The following ANAPC5 variants were observed in gnomAD, a reference collection of about 807,000 sequenced individuals.
ANAPC5 encodes anaphase promoting complex subunit 5, also known as anaphase-promoting complex subunit 5.
A neutral mutation model predicts 91.3 loss-of-function variants in ANAPC5; 60 were observed. The observed-to-expected ratio is 0.66, with a 90% confidence interval of 0.53 to 0.81. The LOEUF is 0.81. Ranked by LOEUF, ANAPC5 falls within the 40% of genes least tolerant of loss-of-function variation. ANAPC5 has a pLI of 0.00. For missense variants in ANAPC5, 690 were observed against 931.5 expected (o/e 0.74, Z 3.37); for synonymous variants, 340 against 364.1 (o/e 0.93, Z 0.75).
chr12:121,325,441 TGACA>T (rs377476189), intron 11 of ANAPC5, among the ~76,000 whole-genome samples: 2,161 of 148,270 alleles, frequency 0.015, 50 homozygotes, highest in African/African-American at 0.052. Flanking sequence ...CCAGCCTGGG[TGACA>T]GAGTGAGACT....
Position 121,352,382 on chromosome 12 carries a change from C to T in ANAPC5, c.-42G>A. ...GTCTCGGGCCCGCGGCGCGCTGCCGCCAGTTGTCACCACAAGGCACAACAC... is the reference window on the plus strand; with the variant it reads ...GTCTCGGGCCCGCGGCGCGCTGCCGTCAGTTGTCACCACAAGGCACAACAC... On this transcript the variant is annotated 5_prime_UTR_variant, in exon 1 of 17. Coordinates refer to ENST00000261819, the MANE Select transcript of ANAPC5 (RefSeq NM_016237.5). 1 of 1,513,474 alleles carries T rather than the reference C, an allele frequency of 6.6e-7. No homozygotes were observed. The highest frequency in any genetic ancestry group is 9.0e-7 in the Non-Finnish European group (1 of 1,105,328). The allele number at this position is 1,513,474 out of a possible 1,614,324, so 93.8% of individuals were successfully genotyped here.
chr12:121,347,778 T>C (rs782335317), intron 2 of ANAPC5, 24 bp downstream of exon 2: 9 of 1,561,892 alleles, frequency 5.8e-6, no homozygotes, highest in South Asian at 1.1e-5. Flanking sequence ...CCTTTTCATA[T>C]ATAAAGAAGA....
rs146935401 is a variant in ANAPC5, at chr12:121,308,654, C to G, written c.2094G>C (p.Lys698Asn). ...EAAIENLNEA[K>N]NYFAKVDCKE... is the part of the protein sequence containing the mutation. ...TGCAGTCAACCTTTGCAAAATAGTT[C>G]TTGGCTTCATTGAGGTTCTCGATGG... The change falls in exon 17 of 17, where the codon AAG becomes AAC. Residue 698 changes from lysine to asparagine, a missense_variant. Lys to Asn is a moderately conservative substitution (Grantham distance 94). This residue lies in a region of ANAPC5 where 317 missense variants were observed against 438.7 expected (regional missense o/e 0.72). Coordinates refer to ENST00000261819, the MANE Select transcript of ANAPC5 (RefSeq NM_016237.5). 125 of 1,614,120 alleles carry G rather than the reference C, an allele frequency of 7.7e-5. No homozygotes were observed. Among genetic ancestry groups the G allele is most frequent in the Non-Finnish European group, 9.7e-5 (114 of 1,180,030 alleles).
At chr12:121,350,488 C>T (rs2695143) in intron 1 of ANAPC5, among the ~76,000 whole-genome samples, 109,102 of 151,834 alleles carry the variant, frequency 0.72, 43,884 homozygotes, top group Non-Finnish European at 0.9. Context: ...GAGACCATCC[C>T]GGCTAACACG....
intron 11 of ANAPC5, among the ~76,000 whole-genome samples, chr12:121,321,689 C>T (rs1216156956): frequency 6.6e-6 from 1 of 151,806 alleles, no homozygotes; most frequent in Non-Finnish European, 1.5e-5. Context: ...AGGTGCGCGC[C>T]ACCATGCTCA....
chr12:121,311,146 G>C (rs1410593658), intron 15 of ANAPC5, among the ~76,000 whole-genome samples: 1 of 152,094 alleles, frequency 6.6e-6, no homozygotes, highest in East Asian at 1.9e-4. Flanking sequence ...TGTAGTCCTA[G>C]CTACTTGGGA....
At chr12:121,352,630 C>T (rs1014466860), upstream of ANAPC5, among the ~76,000 whole-genome samples, 1 of 139,112 alleles carries the variant, frequency 7.2e-6, no homozygotes, top group African/African-American at 2.5e-5. Flanking sequence ...GGACAGGGAC[C>T]GGATGGGAGG....
At chr12:121,340,537 A>ATT (rs200074790) in intron 5 of ANAPC5, among the ~76,000 whole-genome samples, 18 of 141,238 alleles carry the variant, frequency 1.3e-4, no homozygotes, top group African/African-American at 1.6e-4. Flanking sequence ...AATTCCGTAA[A>ATT]TTTTTTTTTT....
intron 15 of ANAPC5, among the ~76,000 whole-genome samples, chr12:121,316,295 A>C (rs1902357052): frequency 6.6e-6 from 1 of 152,160 alleles, no homozygotes; most frequent in South Asian, 2.1e-4. Flanking sequence ...GGAAAATAAC[A>C]AGGGTGGGCA....
chr12:121,328,511 T>C lies in ANAPC5; in HGVS notation c.1123-14A>G. 6.2e-7 allele frequency: 1 copy of C among 1,612,280 alleles called. No homozygotes were observed. The highest frequency in any genetic ancestry group is 8.5e-7 in the Non-Finnish European group (1 of 1,178,786). ...GGAGGCGAGGTACTAAGGGGACAGA[T>C]ATACCCACGACCCAAGATAGAGATT... is the stretch of plus-strand genomic sequence containing the variant. On this transcript the variant is annotated splice_polypyrimidine_tract_variant and intron_variant, in intron 9 of 16. Transcript: ENST00000261819.
At chr12:121,345,781 G>A in intron 4 of ANAPC5, 58 bp downstream of exon 4, 2 of 1,504,216 alleles carry the variant, frequency 1.3e-6, no homozygotes, top group Non-Finnish European at 1.8e-6. Context: ...AGGACTTATT[G>A]CACTTGAAAT....
Position 121,352,148 on chromosome 12 carries a change from G to A in ANAPC5, c.193C>T (p.Leu65=), listed in dbSNP as rs1555275451. The change falls in exon 1 of 17, where the codon CTG becomes TTG. Residue 65 remains leucine, a synonymous_variant. Coordinates refer to ENST00000261819, the MANE Select transcript of ANAPC5 (RefSeq NM_016237.5). ...GCGCCTCTCACCTGCAGCAGGGGCAGGAGCAGCTGGTTGAGCCTCCGCCGC... is the reference window on the plus strand; with the variant it reads ...GCGCCTCTCACCTGCAGCAGGGGCAAGAGCAGCTGGTTGAGCCTCCGCCGC... ...MERRRLNQLL[L]PLLQGPDITL... is the part of the protein sequence containing the mutation. 4.3e-6 allele frequency: 7 copies of A among 1,609,456 alleles called. No individual in the cohort carries two copies. The highest frequency in any genetic ancestry group is 5.9e-6 in the Non-Finnish European group (7 of 1,176,646).
At chr12:121,349,379 A>C (rs1903798060) in intron 1 of ANAPC5, among the ~76,000 whole-genome samples, 1 of 151,968 alleles carries the variant, frequency 6.6e-6, no homozygotes, top group African/African-American at 2.4e-5. Flanking sequence ...TGAGCAACAT[A>C]GGGAGACTAC....
At chr12:121,350,726 T>C (rs901955854) in intron 1 of ANAPC5, among the ~76,000 whole-genome samples, 1 of 151,016 alleles carries the variant, frequency 6.6e-6, no homozygotes, top group East Asian at 1.9e-4. Context: ...CATCCACCTC[T>C]ATCGCATTTC....
intron 2 of ANAPC5, 131 bp from the exon 3 acceptor site, chr12:121,347,136 TAAAAC>T: frequency 7.5e-6 from 4 of 533,760 alleles, no homozygotes; most frequent in Non-Finnish European, 1.3e-5. Context: ...TGGTGGCTCA[TAAAAC>T]AAACTTCATA....
chr12:121,318,107 G>C (rs769875337), intron 15 of ANAPC5, 170 bp downstream of exon 15: 26 of 709,674 alleles, frequency 3.7e-5, no homozygotes, highest in Non-Finnish European at 4.6e-5. Context: ...TTGTCACCAG[G>C]TTCACACCTC....
chr12:121,319,705 A>G lies in ANAPC5; in HGVS notation c.1629T>C (p.Gly543=), dbSNP rs760768723. ...TTTTCAAGGTTTCTTACCTATAAAC[A>G]CCCTCTATGCTATTGAGAGCTGTGA... is the stretch of plus-strand genomic sequence containing the variant. ...TGITALNSIE[G]VYRKAVVLQA... The change falls in exon 13 of 17, where the codon GGT becomes GGC. Residue 543 remains glycine, a synonymous_variant. Transcript: ENST00000261819. 7 of 1,605,826 alleles carry G rather than the reference A, an allele frequency of 4.4e-6. No homozygotes were observed. The highest frequency in any genetic ancestry group is 1.1e-5 in the South Asian group (1 of 88,380).
intron 15 of ANAPC5, among the ~76,000 whole-genome samples, chr12:121,315,038 T>C (rs1902302798): frequency 6.6e-6 from 1 of 151,940 alleles, no homozygotes; most frequent in African/African-American, 2.4e-5. Context: ...TAAAACTATC[T>C]CTATTTGCAG....
In ANAPC5 at chr12:121,328,288, C is replaced by T. The variant is rs782420273; in HGVS notation, c.1304+28G>A. On this transcript the variant is annotated intron_variant, in intron 10 of 16. Transcript: ENST00000261819. ...AGCTCCTGCTTCTCTCTAAAGAATT[C>T]ACACCCCCAGGGCCTTGGGAGACCT... is the stretch of plus-strand genomic sequence containing the variant. 7 of 1,608,238 alleles carry T rather than the reference C, an allele frequency of 4.4e-6. No homozygotes were observed. The South Asian group carries it at 5.5e-5, about 13-fold the overall frequency.
Sources: gnomAD v4.1 joint callset for allele counts (sites outside exome capture counted in the v4.1 genomes callset) on GRCh38, gnomAD v4.1.1 for gene constraint, gnomAD v4.1.1 regional missense constraint, MANE v1.5 for transcripts, NCBI Gene and HGNC (gene_info 2026-07-23, HGNC 2026-07-21) for gene names.